The following LRRTM1 variants were observed in gnomAD, a reference collection of about 807,000 sequenced individuals.
LRRTM1 encodes the protein leucine rich repeat transmembrane neuronal 1.
A neutral mutation model predicts 37.3 loss-of-function variants in LRRTM1; 8 were observed. The ratio of observed to expected loss-of-function variants is 0.21; its 90% CI spans 0.13 to 0.39. LRRTM1 has a LOEUF of 0.39. Among genes scored for constraint, LRRTM1 ranks in the 10% least tolerant of loss-of-function variants. The probability of loss-of-function intolerance (pLI) is 1.00; values close to 1 mark genes in which losing one functional copy is unlikely to be tolerated. For missense variants in LRRTM1, 557 were observed against 691.0 expected (o/e 0.81, Z 2.17); for synonymous variants, 326 against 316.8 (o/e 1.03, Z -0.31).
At chr2:80,298,075 T>G (rs1675917606), downstream of LRRTM1, 1 of 151,498 alleles carries the variant, frequency 6.6e-6, no homozygotes, top group Non-Finnish European at 1.5e-5. Context: ...GTGTGCATAT[T>G]TGTGTGTGTG....
At position 80,302,917 on chromosome 2, in the gene LRRTM1, G is replaced by A. The variant is rs1676495532; in HGVS notation, c.903C>T (p.Asn301=). Residue 301 remains asparagine, a synonymous_variant, in exon 2 of 2, where the codon AAC becomes AAT. Coordinates refer to ENST00000295057, the MANE Select transcript of LRRTM1 (RefSeq NM_178839.5). This position sits in a 1 kb window ranked among gnomAD's most constrained non-coding sequence, Gnocchi z 6.4. ...TGATGCTTGTCAGGGACTTCCAAGA[G>A]TTGAGGATCCGGGGCTCGATGTAGG... ...RLTYIEPRIL[N]SWKSLTSITL... 6.2e-7 allele frequency: 1 copy of A among 1,613,994 alleles called. No homozygotes were observed. Among genetic ancestry groups the A allele is most frequent in the African/African-American group, 1.3e-5 (1 of 74,898 alleles).
At chr2:80,298,552 A>T (rs1419463164), downstream of LRRTM1, 1 of 152,178 alleles carries the variant, frequency 6.6e-6, no homozygotes, top group African/African-American at 2.4e-5. Context: ...CCCTAATCCT[A>T]CCAGAGATCT....
intron 2 of LRRTM1, among the ~76,000 whole-genome samples, chr2:80,295,729 A>G (rs1326694007): frequency 6.6e-6 from 1 of 152,242 alleles, no homozygotes; most frequent in Non-Finnish European, 1.5e-5. Flanking sequence ...TGTAAATGAC[A>G]GTACTATGTC....
chr2:80,293,397 T>C (rs554895528), intron 2 of LRRTM1, among the ~76,000 whole-genome samples: 24 of 152,320 alleles, frequency 1.6e-4, no homozygotes, highest in South Asian at 8.3e-4. Flanking sequence ...AATATGCTGA[T>C]GGTGAACACC....
At chr2:80,299,515 T>C (rs565988281), downstream of LRRTM1, 1 of 152,242 alleles carries the variant, frequency 6.6e-6, no homozygotes, top group South Asian at 2.1e-4. Flanking sequence ...GAACATAGCT[T>C]TCTATGGTCA....
rs1676649124 is a variant in LRRTM1, at chr2:80,303,977, C to A, written c.-59-99G>T. On this transcript the variant is annotated intron_variant, in intron 1 of 1. Coordinates refer to ENST00000295057, the MANE Select transcript of LRRTM1 (RefSeq NM_178839.5). The surrounding 1 kb of genome is among the most constrained non-coding windows in gnomAD (Gnocchi z 7.7). ...TAGAAATAAAGAAGGACCCCCCTCC[C>A]CAAAAACCACACGTTCACCTCTAAG... 2 of 807,866 alleles carry A rather than the reference C, an allele frequency of 2.5e-6. No homozygotes were observed. The highest frequency in any genetic ancestry group is 1.8e-6 in the Non-Finnish European group (1 of 551,260). The allele number at this position is 807,866 out of a possible 1,614,324, so 50.0% of individuals were successfully genotyped here. A position where few individuals can be genotyped will look rare whatever the true frequency, so the allele number is the denominator to read the frequency against.
At chr2:80,294,782 A>G (rs1213334135) in intron 2 of LRRTM1, among the ~76,000 whole-genome samples, 1 of 152,190 alleles carries the variant, frequency 6.6e-6, no homozygotes, top group Middle Eastern at 3.2e-3. Flanking sequence ...CAGGGTTGAC[A>G]AGCACTCTGC....
intron 2 of LRRTM1, among the ~76,000 whole-genome samples, chr2:80,295,593 T>TGG (rs1212061426): frequency 6.6e-6 from 1 of 152,186 alleles, no homozygotes; most frequent in Non-Finnish European, 1.5e-5. Flanking sequence ...AGTTTTATTG[T>TGG]GGGGAAAAAA....
intron 2 of LRRTM1, among the ~76,000 whole-genome samples, chr2:80,293,907 G>T (rs1675490741): frequency 1.3e-5 from 2 of 152,124 alleles, no homozygotes; most frequent in Admixed American, 1.3e-4. Context: ...CTTGGGATTG[G>T]GGTGGAGACA....
Position 80,302,471 on chromosome 2 carries a change from C to CA in LRRTM1, c.1348dup (p.Trp450LeufsTer42). The CA allele has an allele frequency of 6.2e-7, 1 of 1,614,096 alleles. No homozygotes were observed. Among genetic ancestry groups the CA allele is most frequent in the Non-Finnish European group, 8.5e-7 (1 of 1,180,038 alleles). On this transcript the variant is annotated frameshift_variant, in exon 2 of 2. Transcript: ENST00000295057. LOFTEE classifies it high-confidence loss of function. The surrounding 1 kb of genome is among the most constrained non-coding windows in gnomAD (Gnocchi z 6.4). Reference sequence around the variant, plus strand: ...CCTGAGGCTGGCTGGGAAACACTTCCAGGACACGTAGAGCACCAGGACCAC... The same window carrying CA: ...CCTGAGGCTGGCTGGGAAACACTTCCAAGGACACGTAGAGCACCAGGACCAC...
Position 80,303,529 on chromosome 2 carries a change from A to G in LRRTM1, c.291T>C (p.Asp97=). ...CCTGCACGGAGCAGATGTGATTGTG[A>G]TCCAGATAGAGCCACGTGAGCTGCA... ...GLMQLTWLYL[D]HNHICSVQGD... The change falls in exon 2 of 2, where the codon GAT becomes GAC. Residue 97 remains aspartate (D), a synonymous_variant. Coordinates refer to ENST00000295057, the MANE Select transcript of LRRTM1 (RefSeq NM_178839.5). This position sits in a 1 kb window ranked among gnomAD's most constrained non-coding sequence, Gnocchi z 7.7. 6.2e-7 allele frequency: 1 copy of G among 1,614,188 alleles called. No individual in the cohort carries two copies. Among genetic ancestry groups the G allele is most frequent in the Non-Finnish European group, 8.5e-7 (1 of 1,180,044 alleles).
chr2:80,301,790 A>G (rs1235015663), downstream of LRRTM1: 1 of 149,374 alleles, frequency 6.7e-6, no homozygotes, highest in Non-Finnish European at 1.5e-5. Flanking sequence ...CCCCTGGACA[A>G]CTCCCTCCCC....
chr2:80,301,605 G>A (rs1281246446), downstream of LRRTM1, among the ~76,000 whole-genome samples: 1 of 152,218 alleles, frequency 6.6e-6, no homozygotes, highest in Non-Finnish European at 1.5e-5. Context: ...CCTGAAGGTG[G>A]TTAGATTGCA....
intron 2 of LRRTM1, among the ~76,000 whole-genome samples, chr2:80,289,897 C>T (rs112042283): frequency 1.3e-3 from 196 of 152,282 alleles, no homozygotes; most frequent in Non-Finnish European, 2.5e-3. Context: ...ACTTAATTCA[C>T]AGCAGTGACC....
chr2:80,301,350 A>G (rs1396643438), downstream of LRRTM1, among the ~76,000 whole-genome samples: 1 of 152,164 alleles, frequency 6.6e-6, no homozygotes, highest in Non-Finnish European at 1.5e-5. Context: ...GCTCCCTTTA[A>G]CAGGGGGTAC....
chr2:80,299,846 C>T (rs780741063), downstream of LRRTM1, among the ~76,000 whole-genome samples: 19 of 152,176 alleles, frequency 1.2e-4, no homozygotes, highest in Non-Finnish European at 2.2e-4. Context: ...TAAGCACACC[C>T]ACACAGCTCT....
downstream of LRRTM1, among the ~76,000 whole-genome samples, chr2:80,297,768 CA>C (rs1440492449): frequency 6.6e-6 from 1 of 152,078 alleles, no homozygotes; most frequent in Non-Finnish European, 1.5e-5. Flanking sequence ...ATAAGGAGCC[CA>C]GAAGTTCCCC....
At chr2:80,296,469 G>A (rs1230278392) in intron 2 of LRRTM1, among the ~76,000 whole-genome samples, 1 of 152,032 alleles carries the variant, frequency 6.6e-6, no homozygotes, top group Non-Finnish European at 1.5e-5. Flanking sequence ...TTTAAGTTTT[G>A]CCATATGTTC....
At chr2:80,291,756 A>G (rs1392965644) in intron 2 of LRRTM1, among the ~76,000 whole-genome samples, 2 of 152,220 alleles carry the variant, frequency 1.3e-5, no homozygotes, top group Non-Finnish European at 1.5e-5. Context: ...GTTTTTCCAC[A>G]TCACCAGAAG....
Sources: allele counts gnomAD v4.1 joint callset (sites outside exome capture counted in the v4.1 genomes callset), GRCh38; gene constraint gnomAD v4.1.1; non-coding constraint Gnocchi (gnomAD v3.1); transcripts MANE v1.5; gene names NCBI Gene and HGNC (gene_info 2026-07-23, HGNC 2026-07-21).